The following PRELID2 variants were observed in gnomAD, a reference collection of about 807,000 sequenced individuals.
PRELID2 encodes PRELI domain containing 2.
PRELID2 carries 25 observed loss-of-function variants against 28.4 expected under a neutral mutation model. The ratio of observed to expected loss-of-function variants is 0.88; its 90% CI spans 0.64 to 1.23. The LOEUF (loss-of-function observed/expected upper bound fraction) is 1.23, where lower values mean the gene tolerates loss of function less well. Among genes scored for constraint, PRELID2 ranks in the 50% most tolerant of loss-of-function variants. The pLI is 0.00. For missense variants in PRELID2, 201 were observed against 214.4 expected (o/e 0.94, Z 0.39); for synonymous variants, 76 against 71.6 (o/e 1.06, Z -0.31).
At chr5:145,317,969 T>C in the PRELID2 span, among the ~76,000 whole-genome samples, 4 of 152,218 alleles carry the variant, frequency 2.6e-5, no homozygotes, top group African/African-American at 9.6e-5. Context: ...TAACATTTGC[T>C]GAAACTCCAT....
chr5:145,337,730 T>C, the PRELID2 span, among the ~76,000 whole-genome samples: 23 of 20,646 alleles, frequency 1.1e-3, no homozygotes, highest in East Asian at 6.6e-3. Context: ...TATATATATA[T>C]ACTCACACAC....
At chr5:145,414,816 G>A in the PRELID2 span, among the ~76,000 whole-genome samples, 2 of 152,274 alleles carry the variant, frequency 1.3e-5, no homozygotes, top group East Asian at 3.9e-4. Flanking sequence ...GAAATAATAT[G>A]CAGCACAATG....
the PRELID2 span, among the ~76,000 whole-genome samples, chr5:145,277,088 T>C: frequency 4.6e-5 from 7 of 152,208 alleles, no homozygotes; most frequent in Non-Finnish European, 8.8e-5. Context: ...GTACCTTCTC[T>C]GTGCCACACC....
the PRELID2 span, among the ~76,000 whole-genome samples, chr5:145,232,426 G>A: frequency 6.6e-6 from 1 of 152,134 alleles, no homozygotes; most frequent in East Asian, 1.9e-4. Context: ...TCTGAGGCCA[G>A]ATTCCACACT....
intron 1 of PRELID2, among the ~76,000 whole-genome samples, chr5:145,589,879 G>C (rs1175290608): frequency 3.9e-5 from 6 of 152,108 alleles, no homozygotes; most frequent in Non-Finnish European, 7.4e-5. Flanking sequence ...ATGGTTTGAT[G>C]TAAGAATATT....
intron 4 of PRELID2, among the ~76,000 whole-genome samples, chr5:145,801,865 T>C (rs1473108260): frequency 2.0e-5 from 3 of 152,188 alleles, no homozygotes; most frequent in Non-Finnish European, 2.9e-5. Context: ...TCGCTTGTAA[T>C]GTCCCTCAAC....
chr5:145,752,481 T>A (rs576338524), downstream of PRELID2, among the ~76,000 whole-genome samples: 4 of 152,196 alleles, frequency 2.6e-5, no homozygotes, highest in Admixed American at 2.6e-4. Context: ...CAGAAAAGCG[T>A]CATTAAACTT....
intron 1 of PRELID2, among the ~76,000 whole-genome samples, chr5:145,514,738 A>G (rs114280736): frequency 0.021 from 3,150 of 152,252 alleles, 119 homozygotes; most frequent in African/African-American, 0.072. Flanking sequence ...AATTTACCAT[A>G]TAATTGGAAG....
chr5:145,369,708 C>T, the PRELID2 span, among the ~76,000 whole-genome samples: 1 of 152,112 alleles, frequency 6.6e-6, no homozygotes, highest in Admixed American at 6.6e-5. Context: ...CTGTCTTCCA[C>T]AATGGTTGAA....
the PRELID2 span, among the ~76,000 whole-genome samples, chr5:145,406,773 G>T: frequency 2.6e-5 from 4 of 152,224 alleles, no homozygotes; most frequent in Non-Finnish European, 4.4e-5. Context: ...AGGGGGTAAA[G>T]TCTGCCTCTG....
chr5:145,669,598 A>C (rs556672339), intron 1 of PRELID2, among the ~76,000 whole-genome samples: 142 of 152,184 alleles, frequency 9.3e-4, no homozygotes, highest in Admixed American at 2.5e-3. Context: ...AATTTCAACC[A>C]AGTCATGCCA....
intron 1 of PRELID2, among the ~76,000 whole-genome samples, chr5:145,571,464 A>C (rs1455306387): frequency 6.6e-6 from 1 of 152,222 alleles, no homozygotes; most frequent in South Asian, 2.1e-4. Context: ...ACTGATTCTT[A>C]TCCAGCATCA....
At chr5:145,701,986 G>T (rs1385887196) in intron 1 of PRELID2, among the ~76,000 whole-genome samples, 1 of 152,038 alleles carries the variant, frequency 6.6e-6, no homozygotes, top group African/African-American at 2.4e-5. Flanking sequence ...GGGAGGTGGA[G>T]GTTGTGGTGA....
At chr5:145,671,572 A>C (rs548216031) in intron 1 of PRELID2, among the ~76,000 whole-genome samples, 2 of 152,190 alleles carry the variant, frequency 1.3e-5, no homozygotes, top group Admixed American at 1.3e-4. Flanking sequence ...TTAAAAGAAA[A>C]GGCAAGAAGA....
intron 5 of PRELID2, among the ~76,000 whole-genome samples, chr5:145,770,232 T>C (rs1758019415): frequency 6.6e-6 from 1 of 152,080 alleles, no homozygotes; most frequent in Non-Finnish European, 1.5e-5. Context: ...CTTCTACTTA[T>C]GAAAAAAATT....
chr5:145,344,101 C>A, the PRELID2 span, among the ~76,000 whole-genome samples: 7 of 152,048 alleles, frequency 4.6e-5, no homozygotes, highest in African/African-American at 1.4e-4. Context: ...AATACCAAAT[C>A]TCCTGAAATT....
chr5:145,435,197 A>G, the PRELID2 span, among the ~76,000 whole-genome samples: 6 of 152,214 alleles, frequency 3.9e-5, no homozygotes, highest in African/African-American at 1.2e-4. Context: ...ATGACATTTT[A>G]GAGAGTGACA....
intron 1 of PRELID2, among the ~76,000 whole-genome samples, chr5:145,829,301 C>G (rs899933985): frequency 2.0e-5 from 3 of 152,124 alleles, no homozygotes; most frequent in Admixed American, 6.5e-5. Context: ...GAAAATATTC[C>G]TAATTCAAAT....
chr5:145,556,590 T>C (rs916681074), intron 1 of PRELID2, among the ~76,000 whole-genome samples: 4 of 152,308 alleles, frequency 2.6e-5, no homozygotes, highest in Middle Eastern at 3.4e-3. Context: ...AAAATACATC[T>C]GAAAATCTGA....
Sources: gnomAD v4.1 joint callset for allele counts (sites outside exome capture counted in the v4.1 genomes callset) on GRCh38, gnomAD v4.1.1 for gene constraint, MANE v1.5 for transcripts, NCBI Gene and HGNC (gene_info 2026-07-23, HGNC 2026-07-21) for gene names.